The following FGF14 variants were observed in gnomAD, a reference collection of about 807,000 sequenced individuals.
The protein encoded by FGF14 is fibroblast growth factor 14.
A neutral mutation model predicts 25.5 loss-of-function variants in FGF14; 5 were observed. The observed-to-expected ratio is 0.20, with a 90% confidence interval of 0.10 to 0.41. The LOEUF (loss-of-function observed/expected upper bound fraction) is 0.41. Among genes scored for constraint, FGF14 ranks in the 10% least tolerant of loss-of-function variants. The pLI, the probability that FGF14 is intolerant of heterozygous loss-of-function variation, is 1.00. For synonymous variants in FGF14, 138 were observed against 118.3 expected (o/e 1.17, Z -1.08); for missense variants, 222 against 320.1 (o/e 0.69, Z 2.34).
At chr13:101,868,361 C>A (rs1200923837) in intron 3 of FGF14, 3 of 206,842 alleles carry the variant, frequency 1.5e-5, no homozygotes, top group African/African-American at 2.4e-5. Flanking sequence ...AGAAAATACT[C>A]TCCTTTTACT....
At chr13:102,302,207 A>G (rs1300605895) in intron 1 of FGF14, among the ~76,000 whole-genome samples, 1 of 152,172 alleles carries the variant, frequency 6.6e-6, no homozygotes, top group African/African-American at 2.4e-5. Context: ...CAGAGCATTG[A>G]ATGGAGTGCC....
chr13:102,376,242 C>T (rs1239142398), intron 1 of FGF14, among the ~76,000 whole-genome samples: 1 of 152,088 alleles, frequency 6.6e-6, no homozygotes, highest in East Asian at 1.9e-4. Flanking sequence ...ACGGTTTATA[C>T]ATGGCAGTTT....
rs182870034 is a variant in FGF14, at chr13:101,871,589, C to T, written c.305-2761G>A. On this transcript the variant is annotated intron_variant, in intron 2 of 4. Coordinates refer to ENST00000376143, the MANE Select transcript of FGF14 (RefSeq NM_004115.4). Reference sequence around the variant, plus strand: ...ACCATAGTTAATAGTGTATTGATATCTGTAGAGTCCTATTCTGCTTGTAGT... The same window carrying T: ...ACCATAGTTAATAGTGTATTGATATTTGTAGAGTCCTATTCTGCTTGTAGT... 6.5e-3 allele frequency among the ~76,000 whole-genome samples: 992 copies of T among 152,008 alleles called. 9 individuals carry two copies. Among genetic ancestry groups the T allele is most frequent in the South Asian group, 0.013 (61 of 4,816 alleles).
chr13:102,021,626 G>T (rs930625155), intron 1 of FGF14, among the ~76,000 whole-genome samples: 1 of 151,928 alleles, frequency 6.6e-6, no homozygotes, highest in Non-Finnish European at 1.5e-5. Context: ...TGGAAAACTG[G>T]TTTGCTCTGG....
chr13:102,103,993 T>C (rs1264731665), intron 1 of FGF14, among the ~76,000 whole-genome samples: 2 of 152,186 alleles, frequency 1.3e-5, no homozygotes, highest in Admixed American at 6.5e-5. Flanking sequence ...TTTTGCTGTT[T>C]GCCATCCCTG....
chr13:101,828,322 C>T lies in FGF14; in HGVS notation c.408+40403G>A, dbSNP rs145201902. Reference sequence around the variant, plus strand: ...GGAAAATCATTTCTGTAAGACTGCTCATCGAGAATTGAATATGCACACTGG... The same window carrying T: ...GGAAAATCATTTCTGTAAGACTGCTTATCGAGAATTGAATATGCACACTGG... On this transcript the variant is annotated intron_variant, in intron 3 of 4. Coordinates refer to ENST00000376143, the MANE Select transcript of FGF14 (RefSeq NM_004115.4). Among the ~76,000 whole-genome samples the T allele has an allele frequency of 6.6e-5, 10 of 152,106 alleles. No individual in the cohort carries two copies. In the East Asian group the frequency reaches 1.7e-3, roughly 26 times the overall value.
chr13:102,203,633 G>T (rs984659473), intron 1 of FGF14, among the ~76,000 whole-genome samples: 1 of 152,068 alleles, frequency 6.6e-6, no homozygotes, highest in Non-Finnish European at 1.5e-5. Context: ...TTCATATCTG[G>T]AAAACTTTTA....
At chr13:102,364,371 A>G (rs553191158) in intron 1 of FGF14, among the ~76,000 whole-genome samples, 1 of 152,354 alleles carries the variant, frequency 6.6e-6, no homozygotes, top group South Asian at 2.1e-4. Flanking sequence ...CCACAACTTC[A>G]TGGTGGACTC....
chr13:102,217,311 T>C (rs970703284), intron 1 of FGF14, among the ~76,000 whole-genome samples: 1 of 152,180 alleles, frequency 6.6e-6, no homozygotes, highest in Non-Finnish European at 1.5e-5. Context: ...AAAAATAAAC[T>C]ACATGCACAC....
chr13:101,884,934 C>A (rs181685134), intron 1 of FGF14, among the ~76,000 whole-genome samples: 1 of 151,786 alleles, frequency 6.6e-6, no homozygotes, highest in Non-Finnish European at 1.5e-5. Context: ...TTCTTAGGGG[C>A]TTGACTATGA....
chr13:102,170,350 C>T (rs1192927830), intron 1 of FGF14, among the ~76,000 whole-genome samples: 1 of 152,036 alleles, frequency 6.6e-6, no homozygotes, highest in African/African-American at 2.4e-5. Flanking sequence ...CCTCCTCCTC[C>T]TTTTTCCTCT....
At chr13:101,813,554 T>C (rs897990288) in intron 3 of FGF14, among the ~76,000 whole-genome samples, 3 of 152,172 alleles carry the variant, frequency 2.0e-5, no homozygotes, top group Non-Finnish European at 4.4e-5. Context: ...TGGCAAAAAG[T>C]AAATTTCCGT....
intron 1 of FGF14, among the ~76,000 whole-genome samples, chr13:102,156,845 C>G (rs2047366181): frequency 6.6e-6 from 1 of 152,154 alleles, no homozygotes; most frequent in African/African-American, 2.4e-5. Context: ...GCAAAAATCA[C>G]AAGCATTCTT....
chr13:101,752,999 T>C (rs1184787520), intron 3 of FGF14, among the ~76,000 whole-genome samples: 1 of 152,130 alleles, frequency 6.6e-6, no homozygotes, highest in Non-Finnish European at 1.5e-5. Flanking sequence ...AAGTGAAATG[T>C]ATTAATCACA....
intron 1 of FGF14, among the ~76,000 whole-genome samples, chr13:102,062,854 A>G (rs1457197753): frequency 1.2e-4 from 19 of 152,310 alleles, no homozygotes; most frequent in African/African-American, 2.4e-5. Flanking sequence ...AGTTTTATGC[A>G]AAAATATTAT....
intron 1 of FGF14, among the ~76,000 whole-genome samples, chr13:101,882,405 GC>G (rs1245749451): frequency 2.0e-5 from 3 of 152,012 alleles, no homozygotes; most frequent in African/African-American, 7.2e-5. Context: ...AGAATCAAAA[GC>G]CTTTCAGGGA....
chr13:102,345,652 C>T (rs1038855074), intron 1 of FGF14, among the ~76,000 whole-genome samples: 3 of 152,192 alleles, frequency 2.0e-5, no homozygotes, highest in Admixed American at 6.5e-5. Context: ...ATGGCTCCTA[C>T]GTTATTAAGA....
chr13:102,021,119 G>C (rs941968864), intron 1 of FGF14, among the ~76,000 whole-genome samples: 9 of 151,862 alleles, frequency 5.9e-5, no homozygotes, highest in African/African-American at 2.2e-4. Context: ...AGATAAGGGC[G>C]CCAAAGAACA....
At chr13:102,072,786 T>C (rs2043204896) in intron 1 of FGF14, among the ~76,000 whole-genome samples, 1 of 152,094 alleles carries the variant, frequency 6.6e-6, no homozygotes, top group Admixed American at 6.5e-5. Flanking sequence ...ACAAAGAAGT[T>C]AGGAAATAGA....
Sources: allele counts gnomAD v4.1 joint callset (sites outside exome capture counted in the v4.1 genomes callset), GRCh38; gene constraint gnomAD v4.1.1; transcripts MANE v1.5; gene names NCBI Gene and HGNC (gene_info 2026-07-23, HGNC 2026-07-21).